ADAM28: variants seen among roughly 807,000 people sequenced by gnomAD.
ADAM28 encodes ADAM metallopeptidase domain 28.
In ADAM28, 105 loss-of-function variants were observed where a neutral mutation model predicts 101.2. The observed-to-expected ratio is 1.04, with a 90% CI of 0.89 to 1.22. The LOEUF (loss-of-function observed/expected upper bound fraction) is 1.22, where lower values mean the gene tolerates loss of function less well. Ranked by LOEUF, ADAM28 falls within the 50% of genes most tolerant of loss-of-function variation. The pLI, the probability that ADAM28 is intolerant of heterozygous loss-of-function variation, is 0.00. For missense variants in ADAM28, 1,028 were observed against 945.4 expected (o/e 1.09, Z -1.15); for synonymous variants, 322 against 310.6 (o/e 1.04, Z -0.39).
At chr8:24,346,902 C>G (rs1316316023) in intron 18 of ADAM28, 2 of 152,016 alleles carry the variant, frequency 1.3e-5, no homozygotes, top group African/African-American at 4.8e-5. Context: ...TATATAATTC[C>G]ATGTGTATAA....
At chr8:24,335,306 G>A in intron 13 of ADAM28, 140 bp from the exon 14 acceptor site, 1 of 1,363,926 alleles carries the variant, frequency 7.3e-7, no homozygotes, top group South Asian at 1.7e-5. Context: ...TTTAATTTAT[G>A]ACAATGTAAG....
At chr8:24,351,862 C>G (rs544302966) in intron 20 of ADAM28, 125 bp from the exon 21 acceptor site, 1 of 790,850 alleles carries the variant, frequency 1.3e-6, no homozygotes, top group East Asian at 2.6e-5. Context: ...GATTTTCTAT[C>G]TGGTCTCTTG....
At chr8:24,343,989 T>C (rs1815109904) in intron 18 of ADAM28, among the ~76,000 whole-genome samples, 1 of 152,262 alleles carries the variant, frequency 6.6e-6, no homozygotes, top group Non-Finnish European at 1.5e-5. Context: ...TGGTTTGTTC[T>C]GTTGTCACCA....
intron 11 of ADAM28, 77 bp from the exon 12 acceptor site, chr8:24,331,073 T>C (rs1193137840): frequency 1.1e-5 from 15 of 1,406,868 alleles, no homozygotes; most frequent in Middle Eastern, 2.0e-4. Context: ...GTGGGTGTAA[T>C]TGTGCCTAAT....
intron 5 of ADAM28, among the ~76,000 whole-genome samples, chr8:24,312,530 ATCT>A (rs1419809111): frequency 1.3e-5 from 2 of 152,140 alleles, no homozygotes; most frequent in South Asian, 4.2e-4. Flanking sequence ...CCCATAATTT[ATCT>A]TCTTATATCC....
At chr8:24,336,680 A>C (rs1349132462) in intron 14 of ADAM28, among the ~76,000 whole-genome samples, 2 of 152,036 alleles carry the variant, frequency 1.3e-5, no homozygotes, top group Non-Finnish European at 2.9e-5. Flanking sequence ...AAATCTAAAA[A>C]AGTTGAACGC....
chr8:24,301,136 T>G (rs142277659), intron 2 of ADAM28, among the ~76,000 whole-genome samples: 2,314 of 152,300 alleles, frequency 0.015, 15 homozygotes, highest in Non-Finnish European at 0.026. Flanking sequence ...TCCAGCACAC[T>G]CGGTGCACAT....
intron 6 of ADAM28, among the ~76,000 whole-genome samples, chr8:24,316,127 T>G (rs971718499): frequency 4.0e-5 from 6 of 151,794 alleles, no homozygotes; most frequent in African/African-American, 7.2e-5. Flanking sequence ...CCTTATTTTA[T>G]TCTCATAAAA....
chr8:24,349,449 C>G (rs1275877697), intron 18 of ADAM28, among the ~76,000 whole-genome samples: 2 of 152,168 alleles, frequency 1.3e-5, no homozygotes, highest in African/African-American at 4.8e-5. Flanking sequence ...GCTTCTTATT[C>G]ACTAATGACA....
Position 24,311,488 on chromosome 8 carries a change from A to T in ADAM28, c.383+51A>T, listed in dbSNP as rs377567345. ...GTACCTGTGATTGTGGTATTTATGT[A>T]TGTATCTAACCAACCAGATGAATCC... On this transcript the variant is annotated intron_variant, in intron 5 of 22. Transcript: ENST00000265769. The T allele has an allele frequency of 5.4e-6, 8 of 1,480,552 alleles. No homozygotes were observed. In the African/African-American group the frequency reaches 1.1e-4, roughly 21 times the overall value. 91.7% of individuals were successfully genotyped at this position (1,480,552 alleles called of 1,614,324 possible). A position where few individuals can be genotyped will look rare whatever the true frequency, so the allele number is the denominator to read the frequency against.
chr8:24,312,669 G>A (rs561899040), intron 5 of ADAM28, among the ~76,000 whole-genome samples: 3 of 151,496 alleles, frequency 2.0e-5, no homozygotes, highest in East Asian at 3.9e-4. Flanking sequence ...TATATATTCT[G>A]TGATTATTTG....
rs1330345635 is a variant in ADAM28, at chr8:24,294,195, G to T, written c.46G>T (p.Val16Leu). ...AGTCAGTCTCCTCCTCTCTGTTGCAGGTACATATTTAGCTCTTTTTCAGGT... is the reference window on the plus strand; with the variant it reads ...AGTCAGTCTCCTCCTCTCTGTTGCATGTACATATTTAGCTCTTTTTCAGGT... ...LPVSLLLSVA[V>L]SAIKELPGVK... The change falls in exon 1 of 23, where the codon GTA becomes TTA. Residue 16 changes from valine to leucine, a missense_variant and splice_region_variant. Val to Leu is a conservative substitution (Grantham distance 32). Coordinates refer to ENST00000265769, the MANE Select transcript of ADAM28 (RefSeq NM_014265.6). 1 of 1,613,978 alleles carries T rather than the reference G, an allele frequency of 6.2e-7. No individual in the cohort carries two copies. Among genetic ancestry groups the T allele is most frequent in the African/African-American group, 1.3e-5 (1 of 74,916 alleles).
intron 13 of ADAM28, among the ~76,000 whole-genome samples, chr8:24,333,016 T>C (rs1172796519): frequency 6.6e-6 from 1 of 152,216 alleles, no homozygotes; most frequent in African/African-American, 2.4e-5. Flanking sequence ...CACTATTTGC[T>C]ACAGCCTGGA....
Position 24,332,684 on chromosome 8 carries a change from G to A in ADAM28, c.1306G>A (p.Ala436Thr). The change falls in exon 13 of 23, where the codon GCT (alanine) becomes ACT (threonine). Residue 436 changes from alanine to threonine, a missense_variant. By Grantham distance (58) the Ala-to-Thr change is moderately conservative (BLOSUM62 0). Transcript: ENST00000265769. Reference protein sequence around the residue: ...SEECTNICCDAKTCKIKATFQ... With the variant: ...SEECTNICCDTKTCKIKATFQ... ...GGAATGTACCAATATTTGCTGTGAT[G>A]CTAAGACATGTAAAATCAAAGCAAC... The A allele has an allele frequency of 6.6e-7, 1 of 1,525,354 alleles. No individual in the cohort carries two copies. Among genetic ancestry groups the A allele is most frequent in the Non-Finnish European group, 8.9e-7 (1 of 1,128,626 alleles). The allele number at this position is 1,525,354 out of a possible 1,614,324, so 94.5% of individuals were successfully genotyped here. A position where few individuals can be genotyped will look rare whatever the true frequency, so the allele number is the denominator to read the frequency against.
chr8:24,319,959 G>A lies in ADAM28; in HGVS notation c.577-277G>A, dbSNP rs576411921. Among the ~76,000 whole-genome samples, 12 of 151,994 alleles carry A rather than the reference G, an allele frequency of 7.9e-5. No individual in the cohort carries two copies. The South Asian group carries it at 1.9e-3, about 24-fold the overall frequency. On this transcript the variant is annotated intron_variant, in intron 6 of 22. Transcript: ENST00000265769. ...AGTCTACTGTTCAAAACAATAGAAA[G>A]ACTGGTTTTATTTCTAGCTCCCCTA...
rs1011294056 is a variant in ADAM28, at chr8:24,336,778, G to GA, written c.1567+1146dup. Among the ~76,000 whole-genome samples the GA allele has an allele frequency of 1.3e-3, 189 of 149,008 alleles. 3 individuals are homozygous for GA. The highest frequency in any genetic ancestry group is 4.3e-3 in the African/African-American group (176 of 40,516). On this transcript the variant is annotated intron_variant, in intron 14 of 22. Transcript: ENST00000265769. ...GGTCAGAGGATACAAAATTTAAGTT[G>GA]AAAAAAAAAGGCAAGTTTTTAAAAA...
chr8:24,313,756 C>CTTTTTT (rs1284941330), intron 6 of ADAM28, among the ~76,000 whole-genome samples, 176 bp downstream of exon 6: 1 of 145,594 alleles, frequency 6.9e-6, no homozygotes. Context: ...TAGGAATCAA[C>CTTTTTT]TATTTTTTTT....
At chr8:24,339,670 G>C in intron 15 of ADAM28, 102 bp downstream of exon 15, 1 of 996,978 alleles carries the variant, frequency 1.0e-6, no homozygotes, top group Non-Finnish European at 1.5e-6. Context: ...AAGTGCATTT[G>C]GTCATCAATC....
chr8:24,318,845 T>C (rs1055567370), intron 6 of ADAM28, among the ~76,000 whole-genome samples: 3 of 152,046 alleles, frequency 2.0e-5, no homozygotes, highest in African/African-American at 7.2e-5. Context: ...GGCAACAGCC[T>C]CTGCCTGACC....
Sources: allele counts gnomAD v4.1 joint callset (sites outside exome capture counted in the v4.1 genomes callset), GRCh38; gene constraint gnomAD v4.1.1; transcripts MANE v1.5; gene names NCBI Gene and HGNC (gene_info 2026-07-23, HGNC 2026-07-21).